SIRT3: variants seen among roughly 807,000 people sequenced by gnomAD.
The protein encoded by SIRT3 is sirtuin 3.
Under a neutral mutation model 33.5 loss-of-function variants are expected in SIRT3, and 26 were observed. That is an observed-to-expected ratio of 0.78 (90% CI 0.57 to 1.08). The LOEUF is 1.08. SIRT3 is among the 50% of genes least tolerant of loss of function. SIRT3 has a pLI of 0.00. For missense variants in SIRT3, 585 were observed against 530.1 expected, an observed-to-expected ratio of 1.10 and a Z score of -1.02; for synonymous variants, 237 against 222.1, an observed-to-expected ratio of 1.07 and a Z score of -0.60.
rs749638101 is a variant in SIRT3, at chr11:224,248, CAG to C, written c.808-11_808-10del. ...TCTGCCATCACGTCAGCCTGGAAAACAGAGAAAACAGGCCTGAGGAAGATGCC... is the reference window on the plus strand; with the variant it reads ...TCTGCCATCACGTCAGCCTGGAAAACAGAAAACAGGCCTGAGGAAGATGCC... On this transcript the variant is annotated splice_polypyrimidine_tract_variant and intron_variant, in intron 4 of 6. Transcript: ENST00000382743. 16 of 1,613,394 alleles carry C rather than the reference CAG, an allele frequency of 9.9e-6. No individual in the cohort carries two copies. The highest frequency in any genetic ancestry group is 1.3e-5 in the Non-Finnish European group (15 of 1,179,660).
chr11:233,234 G>A lies in SIRT3; in HGVS notation c.474-19C>T, dbSNP rs1168653148. The A allele has an allele frequency of 5.0e-6, 8 of 1,609,896 alleles. No homozygotes were observed. The African/African-American group carries it at 8.0e-5, about 16-fold the overall frequency. ...CGGCGATCTGCAGGGAGAGAAGAAAGGCTCTGAGGCCTTTGGAAGAGGACA... is the reference window on the plus strand; with the variant it reads ...CGGCGATCTGCAGGGAGAGAAGAAAAGCTCTGAGGCCTTTGGAAGAGGACA... On this transcript the variant is annotated intron_variant, in intron 2 of 6. Coordinates refer to ENST00000382743, the MANE Select transcript of SIRT3 (RefSeq NM_012239.6).
chr11:224,282 A>G, intron 4 of SIRT3, 43 bp from the exon 5 acceptor site: 1 of 1,586,674 alleles, frequency 6.3e-7, no homozygotes, highest in East Asian at 2.3e-5. Context: ...TGCCTGCAAC[A>G]CCCTGTAAAA....
rs201530836 is a variant in SIRT3, at chr11:216,500, C to A, written c.*198G>T. 4.9e-6 allele frequency: 3 copies of A among 615,312 alleles called. No homozygotes were observed. Among genetic ancestry groups the A allele is most frequent in the Non-Finnish European group, 5.9e-6 (2 of 341,290 alleles). 38.1% of individuals were successfully genotyped at this position (615,312 alleles called of 1,614,324 possible). The stretch of plus-strand genomic sequence containing the variant: ...CTCCTTTGTATATGTGACGGGGTGG[C>A]CCTGACTGTAAACACAGCCCTACCA... On this transcript the variant is annotated 3_prime_UTR_variant, in exon 7 of 7. Coordinates refer to ENST00000382743, the MANE Select transcript of SIRT3 (RefSeq NM_012239.6).
chr11:225,122 A>G (rs1302020477), intron 4 of SIRT3, among the ~76,000 whole-genome samples: 2 of 152,014 alleles, frequency 1.3e-5, no homozygotes, highest in Non-Finnish European at 2.9e-5. Context: ...AACTTGAAAT[A>G]TCTATCAAAG....
At chr11:236,019 C>A in intron 1 of SIRT3, 29 bp downstream of exon 1, 1 of 1,458,322 alleles carries the variant, frequency 6.9e-7, no homozygotes. Flanking sequence ...AACGAACACG[C>A]AAGAAGTGCT....
upstream of SIRT3, chr11:236,493 C>G: frequency 3.5e-6 from 1 of 282,944 alleles, no homozygotes; most frequent in South Asian, 1.3e-4. Context: ...GCCTCCTTGC[C>G]GACGCCTCCG....
chr11:236,353 C>A, upstream of SIRT3: 1 of 1,250,026 alleles, frequency 8.0e-7, no homozygotes, highest in Non-Finnish European at 1.0e-6. Context: ...AAGGAGTCCT[C>A]CGGACTCGCC....
At position 236,121 on chromosome 11, in the gene SIRT3, G is replaced by A; in HGVS notation, c.208C>T (p.Pro70Ser). The change falls in exon 1 of 7, where the codon CCT (proline) becomes TCT (serine). Residue 70 changes from proline (P) to serine (S), a missense_variant. By Grantham distance (74) the Pro-to-Ser change is moderately conservative. Coordinates refer to ENST00000382743, the MANE Select transcript of SIRT3 (RefSeq NM_012239.6). ...PLDPARPLQR[P>S]PRPEVPRAFR... ...GCCCTGGGCACCTCGGGTCTGGGAG[G>A]CCTCTGCAAGGGGCGCGCCGGGTCC... is the stretch of plus-strand genomic sequence containing the variant. 1.9e-6 allele frequency: 3 copies of A among 1,580,886 alleles called. No homozygotes were observed. The highest frequency in any genetic ancestry group is 2.6e-6 in the Non-Finnish European group (3 of 1,164,256).
intron 4 of SIRT3, among the ~76,000 whole-genome samples, chr11:225,238 C>G (rs930917526): frequency 1.3e-5 from 2 of 152,044 alleles, no homozygotes; most frequent in African/African-American, 4.8e-5. Context: ...ATGGTGAAAC[C>G]CTGTCTCTAC....
chr11:225,466 T>C (rs6598070), intron 4 of SIRT3, among the ~76,000 whole-genome samples: 123,225 of 152,174 alleles, frequency 0.81, 50,544 homozygotes, highest in African/African-American at 0.95. Context: ...AGATATAAAA[T>C]TATTAAAAAA....
upstream of SIRT3, chr11:236,359 T>G (rs557366229): frequency 9.9e-5 from 115 of 1,166,246 alleles, no homozygotes; most frequent in East Asian, 3.1e-3. Flanking sequence ...TCCTCCGGAC[T>G]CGCCCCGCCC....
chr11:223,620 C>CCAACCTT lies in SIRT3; in HGVS notation c.969+457_969+458insAAGGTTG. On this transcript the variant is annotated intron_variant, in intron 5 of 6. Transcript: ENST00000382743. The surrounding 1 kb of genome is among the most constrained non-coding windows in gnomAD (Gnocchi z 4.8). Reference sequence around the variant, plus strand: ...GCCCCTCCACCTCGCCCCCACACCCCCATCCTTCTCCCTTCTCCTCACACG... The same window carrying CCAACCTT: ...GCCCCTCCACCTCGCCCCCACACCCCCAACCTTCATCCTTCTCCCTTCTCCTCACACG... 1 of 478,884 alleles carries CCAACCTT rather than the reference C, an allele frequency of 2.1e-6. No homozygotes were observed. The highest frequency in any genetic ancestry group is 3.9e-6 in the Non-Finnish European group (1 of 256,604). 29.7% of individuals were successfully genotyped at this position (478,884 alleles called of 1,614,324 possible). A position where few individuals can be genotyped will look rare whatever the true frequency, so the allele number is the denominator to read the frequency against.
At chr11:235,161 C>G (rs1302537851) in intron 1 of SIRT3, among the ~76,000 whole-genome samples, 1 of 151,966 alleles carries the variant, frequency 6.6e-6, no homozygotes, top group Non-Finnish European at 1.5e-5. Context: ...CAGGCGTGAG[C>G]TACCGCGCCC....
chr11:236,263 G>A lies in SIRT3; in HGVS notation c.66C>T (p.Val22=), dbSNP rs760323382. Residue 22 remains valine (V), a synonymous_variant, in exon 1 of 7, where the codon GTC becomes GTT. Coordinates refer to ENST00000382743, the MANE Select transcript of SIRT3 (RefSeq NM_012239.6). ...LRLWGRVVER[V]EAGGGVGPFQ... ...ACGGCCCCACGCCTCCCCCGGCCTCGACCCGTTCAACTACCCGGCCCCACA... is the reference window on the plus strand; with the variant it reads ...ACGGCCCCACGCCTCCCCCGGCCTCAACCCGTTCAACTACCCGGCCCCACA... 6 of 1,543,466 alleles carry A rather than the reference G, an allele frequency of 3.9e-6. 1 individual carries two copies. The South Asian group carries it at 7.1e-5, about 18-fold the overall frequency.
chr11:236,426 C>T (rs1237950981), upstream of SIRT3: 2 of 791,764 alleles, frequency 2.5e-6, no homozygotes, highest in African/African-American at 2.0e-5. Context: ...CCCAGCCCCG[C>T]CTCCGCCTAC....
At chr11:228,844 G>C (rs1385532788) in intron 4 of SIRT3, among the ~76,000 whole-genome samples, 2 of 152,146 alleles carry the variant, frequency 1.3e-5, no homozygotes, top group African/African-American at 4.8e-5. Context: ...CTCTGATAAG[G>C]ATCTAGCTTC....
chr11:221,898 A>C (rs1352776223), intron 5 of SIRT3, among the ~76,000 whole-genome samples: 1 of 109,410 alleles, frequency 9.1e-6, no homozygotes, highest in Non-Finnish European at 2.4e-5. Context: ...ATTTGTACAA[A>C]AAAAAGAAAG....
chr11:218,203 A>G lies in SIRT3; in HGVS notation c.1179+629T>C, dbSNP rs115910003. Among the ~76,000 whole-genome samples, 1,089 of 152,346 alleles carry G rather than the reference A, an allele frequency of 7.1e-3. 15 individuals carry two copies. Among genetic ancestry groups the G allele is most frequent in the African/African-American group, 0.025 (1,028 of 41,574 alleles). The stretch of plus-strand genomic sequence containing the variant: ...GACAGTGTTACACCTGCCTGTAATC[A>G]TGACACTGGACTTTAAATGCTTAAT... On this transcript the variant is annotated intron_variant, in intron 6 of 6. Transcript: ENST00000382743.
chr11:220,330 CAAAAAAAAAA>C (rs55855156), intron 5 of SIRT3, among the ~76,000 whole-genome samples: 1 of 87,040 alleles, frequency 1.1e-5, no homozygotes, highest in South Asian at 3.7e-4. Context: ...GACTCTGTCT[CAAAAAAAAAA>C]AAAAAAAAAA....
Sources: gnomAD v4.1 joint callset for allele counts (sites outside exome capture counted in the v4.1 genomes callset) on GRCh38, gnomAD v4.1.1 for gene constraint, Gnocchi (gnomAD v3.1) non-coding constraint, MANE v1.5 for transcripts, NCBI Gene and HGNC (gene_info 2026-07-23, HGNC 2026-07-21) for gene names.